Variants in TAFA2 observed in about 807,000 individuals in gnomAD.
TAFA2 encodes the protein TAFA chemokine like family member 2.
A neutral mutation model predicts 18.8 loss-of-function variants in TAFA2; 7 were observed. The observed-to-expected ratio is 0.37, with a 90% CI of 0.21 to 0.70. The LOEUF is 0.70. TAFA2 is among the 30% of genes least tolerant of loss of function. TAFA2 has a pLI of 0.53. For synonymous variants in TAFA2, 60 were observed against 54.2 expected, an observed-to-expected ratio of 1.11 and a Z score of -0.47; for missense variants, 122 against 158.1, an observed-to-expected ratio of 0.77 and a Z score of 1.23.
intron 1 of TAFA2, among the ~76,000 whole-genome samples, chr12:62,243,760 C>A (rs370205594): frequency 3.9e-5 from 6 of 152,222 alleles, no homozygotes; most frequent in African/African-American, 1.2e-4. Flanking sequence ...ACAACATCTG[C>A]TTTTTATTCC....
intron 2 of TAFA2, among the ~76,000 whole-genome samples, chr12:61,864,053 T>C (rs1874238743): frequency 6.6e-6 from 1 of 152,034 alleles, no homozygotes; most frequent in Non-Finnish European, 1.5e-5. Flanking sequence ...CTCATTCTCC[T>C]GAGAGCACTC....
intron 1 of TAFA2, among the ~76,000 whole-genome samples, chr12:62,170,725 T>C (rs2062471687): frequency 6.6e-6 from 1 of 152,188 alleles, no homozygotes; most frequent in Non-Finnish European, 1.5e-5. Flanking sequence ...ACCTGAATAA[T>C]GTACATTGCA....
At chr12:61,791,387 C>CA (rs916336855) in intron 2 of TAFA2, among the ~76,000 whole-genome samples, 2 of 151,414 alleles carry the variant, frequency 1.3e-5, no homozygotes, top group South Asian at 2.1e-4. Flanking sequence ...CTTCAGCATA[C>CA]AAAAAAGCTT....
At chr12:62,181,760 T>C (rs1237133337) in intron 1 of TAFA2, among the ~76,000 whole-genome samples, 3 of 152,178 alleles carry the variant, frequency 2.0e-5, no homozygotes, top group African/African-American at 7.2e-5. Context: ...CTATGACACC[T>C]TCTGACATTA....
At chr12:62,041,043 T>G (rs1193923635) in intron 1 of TAFA2, among the ~76,000 whole-genome samples, 1 of 152,158 alleles carries the variant, frequency 6.6e-6, no homozygotes, top group Non-Finnish European at 1.5e-5. Flanking sequence ...ATTCAGACCG[T>G]TTTTATCATT....
At chr12:62,074,616 T>C (rs17656558) in intron 1 of TAFA2, among the ~76,000 whole-genome samples, 7,859 of 152,224 alleles carry the variant, frequency 0.052, 301 homozygotes, top group Non-Finnish European at 0.073. Context: ...ACCATCAAAT[T>C]TGTTTTCATA....
intron 4 of TAFA2, among the ~76,000 whole-genome samples, chr12:61,720,105 G>T (rs1869833548): frequency 6.6e-6 from 1 of 151,534 alleles, no homozygotes. Flanking sequence ...AACCATCATA[G>T]TTCAGTAATC....
intron 2 of TAFA2, among the ~76,000 whole-genome samples, chr12:61,855,506 G>A (rs968137872): frequency 1.3e-5 from 2 of 152,048 alleles, no homozygotes; most frequent in Non-Finnish European, 2.9e-5. Context: ...TGGGAGAAAG[G>A]AGACAGTTAG....
intron 2 of TAFA2, among the ~76,000 whole-genome samples, chr12:61,789,452 A>G (rs1870879957): frequency 6.6e-6 from 1 of 151,864 alleles, no homozygotes; most frequent in Non-Finnish European, 1.5e-5. Flanking sequence ...CAGAAAACCA[A>G]ACACTGCATG....
intron 1 of TAFA2, among the ~76,000 whole-genome samples, chr12:61,919,311 C>T (rs1328934187): frequency 6.6e-6 from 1 of 152,166 alleles, no homozygotes; most frequent in Non-Finnish European, 1.5e-5. Flanking sequence ...ACTTCCCGCC[C>T]CTGGCCACTA....
At chr12:62,045,171 A>G (rs960152185) in intron 1 of TAFA2, among the ~76,000 whole-genome samples, 2 of 152,196 alleles carry the variant, frequency 1.3e-5, no homozygotes, top group Non-Finnish European at 2.9e-5. Flanking sequence ...ATAAGAATGT[A>G]CTTCCAAAGA....
Position 61,877,916 on chromosome 12 carries a change from T to C in TAFA2, c.-1-10490A>G, listed in dbSNP as rs370951329. 1.3e-3 allele frequency among the ~76,000 whole-genome samples: 75 copies of C among 57,876 alleles called. No individual in the cohort carries two copies. In the East Asian group the frequency reaches 0.022, roughly 17 times the overall value. 38.0% of individuals were successfully genotyped at this position (57,876 alleles called of 152,430 possible). A position where few individuals can be genotyped will look rare whatever the true frequency, so the allele number is the denominator to read the frequency against. On this transcript the variant is annotated intron_variant, in intron 1 of 4. Coordinates refer to ENST00000416284, the MANE Select transcript of TAFA2 (RefSeq NM_178539.5). ...AAATTGTGATTTTTATATATATATATATATATATACACACACACACACACA... is the reference window on the plus strand; with the variant it reads ...AAATTGTGATTTTTATATATATATACATATATATACACACACACACACACA...
intron 1 of TAFA2, among the ~76,000 whole-genome samples, chr12:62,181,104 G>A (rs990521783): frequency 1.3e-5 from 2 of 152,186 alleles, no homozygotes; most frequent in African/African-American, 4.8e-5. Flanking sequence ...TGCCTAGAAT[G>A]TATTTGTTAA....
At chr12:61,922,884 A>G (rs7310906) in intron 1 of TAFA2, among the ~76,000 whole-genome samples, 14,720 of 152,180 alleles carry the variant, frequency 0.097, 2,345 homozygotes, top group African/African-American at 0.33. Flanking sequence ...ATCTGAAGTC[A>G]ACCTGGGACG....
At chr12:62,223,195 G>A (rs2062771256) in intron 1 of TAFA2, among the ~76,000 whole-genome samples, 1 of 152,128 alleles carries the variant, frequency 6.6e-6, no homozygotes, top group Non-Finnish European at 1.5e-5. Context: ...TTTTGAGACA[G>A]GGTCTCACTT....
chr12:61,808,536 G>T (rs1253381661), intron 2 of TAFA2, among the ~76,000 whole-genome samples: 3 of 151,390 alleles, frequency 2.0e-5, no homozygotes, highest in African/African-American at 7.4e-5. Context: ...ATATGATTAG[G>T]ATTTAGATAA....
chr12:62,221,355 T>C lies in TAFA2; in HGVS notation c.-130+37408A>G, dbSNP rs2062762174. ...TCATTTTTGTATTCTTTGATATTCA[T>C]TGTTCAAAAACATTGAAAATATTAG... On this transcript the variant is annotated intron_variant, in intron 1 of 5. Coordinates refer to the TAFA2 transcript ENST00000551619. Among the ~76,000 whole-genome samples, 3 of 152,170 alleles carry C rather than the reference T, an allele frequency of 2.0e-5. No homozygotes were observed. In the South Asian group the frequency reaches 6.2e-4, roughly 31 times the overall value.
chr12:62,114,981 A>G (rs1349136702), intron 1 of TAFA2, among the ~76,000 whole-genome samples: 1 of 152,166 alleles, frequency 6.6e-6, no homozygotes, highest in Non-Finnish European at 1.5e-5. Flanking sequence ...TTAAAAATTG[A>G]CTGATCTTAT....
At chr12:61,960,620 A>G (rs1878850794) in intron 1 of TAFA2, among the ~76,000 whole-genome samples, 1 of 151,944 alleles carries the variant, frequency 6.6e-6, no homozygotes. Flanking sequence ...ATCCCATATA[A>G]GCATTGCTGT....
Sources: gnomAD v4.1 joint callset for allele counts (sites outside exome capture counted in the v4.1 genomes callset) on GRCh38, gnomAD v4.1.1 for gene constraint, MANE v1.5 for transcripts, NCBI Gene and HGNC (gene_info 2026-07-23, HGNC 2026-07-21) for gene names.